Variants in RAD52 observed in about 807,000 individuals in gnomAD.
The protein encoded by RAD52 is DNA repair protein RAD52 homolog.
In RAD52, 47 loss-of-function variants were observed where a neutral mutation model predicts 55.5. That is an observed-to-expected ratio of 0.85 (90% confidence interval 0.67 to 1.08). The LOEUF (loss-of-function observed/expected upper bound fraction) is 1.08. Among genes scored for constraint, RAD52 ranks in the 50% least tolerant of loss-of-function variants. RAD52 has a pLI of 0.00. For synonymous variants in RAD52, 184 were observed against 198.9 expected (o/e 0.92, Z 0.63); for missense variants, 468 against 522.8 (o/e 0.90, Z 1.02).
chr12:947,903 CAAAA>C (rs1240013021), intron 1 of RAD52, among the ~76,000 whole-genome samples: 1 of 109,056 alleles, frequency 9.2e-6, no homozygotes, highest in Non-Finnish European at 2.0e-5. Context: ...AAAAAAAAAA[CAAAA>C]AAAAAACTGC....
intron 9 of RAD52, among the ~76,000 whole-genome samples, chr12:915,832 A>G (rs1286572295): frequency 6.6e-6 from 1 of 152,064 alleles, no homozygotes; most frequent in Non-Finnish European, 1.5e-5. Context: ...ATTCTGCCTC[A>G]GCCTCCCGAG....
chr12:974,580 T>C (rs1958912001), intron 1 of RAD52: 1 of 152,226 alleles, frequency 6.6e-6, no homozygotes, highest in South Asian at 2.1e-4. Context: ...GTGCCTGCTC[T>C]GTGAGAGAAA....
intron 1 of RAD52, among the ~76,000 whole-genome samples, chr12:943,937 T>C (rs1359883415): frequency 1.3e-5 from 2 of 152,104 alleles, no homozygotes; most frequent in Admixed American, 6.6e-5. Context: ...CGGGGCCCGC[T>C]GGGTGCAGTT....
chr12:989,140 G>C (rs1227016082), intron 1 of RAD52, among the ~76,000 whole-genome samples: 1 of 152,152 alleles, frequency 6.6e-6, no homozygotes, highest in African/African-American at 2.4e-5. Flanking sequence ...GGAGGGTTCT[G>C]CTCTTCCTTA....
upstream of RAD52, among the ~76,000 whole-genome samples, chr12:953,499 G>A (rs1207064502): frequency 6.6e-6 from 1 of 152,096 alleles, no homozygotes; most frequent in Non-Finnish European, 1.5e-5. Context: ...TAAAGTGTAT[G>A]TCTACGACCC....
At position 913,147 on chromosome 12, in the gene RAD52, G is replaced by A. The variant is rs1956186955; in HGVS notation, c.*244C>T. On this transcript the variant is annotated 3_prime_UTR_variant, in exon 12 of 12. Coordinates refer to ENST00000358495, the MANE Select transcript of RAD52 (RefSeq NM_134424.4). Reference sequence around the variant, plus strand: ...TAATAAATAGTGGGAAGCCTCACAAGCCGAAGAAAAGGTATTCATCTGTCC... The same window carrying A: ...TAATAAATAGTGGGAAGCCTCACAAACCGAAGAAAAGGTATTCATCTGTCC... The A allele has an allele frequency of 1.4e-5, 6 of 421,552 alleles. No individual in the cohort carries two copies. In the South Asian group the frequency reaches 2.9e-4, roughly 20 times the overall value. 26.1% of individuals were successfully genotyped at this position (421,552 alleles called of 1,614,324 possible).
At chr12:987,826 T>C (rs1351068445) in intron 1 of RAD52, among the ~76,000 whole-genome samples, 1 of 152,200 alleles carries the variant, frequency 6.6e-6, no homozygotes, top group Non-Finnish European at 1.5e-5. Flanking sequence ...CCTCCTAAAG[T>C]GTTGGGATTA....
intron 1 of RAD52, among the ~76,000 whole-genome samples, chr12:946,936 CT>C (rs1958259640): frequency 6.6e-6 from 1 of 152,206 alleles, no homozygotes; most frequent in African/African-American, 2.4e-5. Context: ...CTGACGGTTT[CT>C]GCCTCCCTGA....
At chr12:963,870 C>A (rs6489770) in intron 1 of RAD52, among the ~76,000 whole-genome samples, 2 of 151,632 alleles carry the variant, frequency 1.3e-5, no homozygotes, top group Non-Finnish European at 2.9e-5. Context: ...ACTAGAGTGA[C>A]GAGGGCAGCG....
At chr12:921,311 T>C (rs1956714984) in intron 7 of RAD52, among the ~76,000 whole-genome samples, 1 of 151,958 alleles carries the variant, frequency 6.6e-6, no homozygotes, top group African/African-American at 2.4e-5. Context: ...AAAAGCTCAA[T>C]AAAAGTAGGA....
At chr12:953,211 A>G (rs1958559773), upstream of RAD52, among the ~76,000 whole-genome samples, 1 of 151,414 alleles carries the variant, frequency 6.6e-6, no homozygotes, top group Admixed American at 6.6e-5. Context: ...AGGCTGAGGC[A>G]AGAGAATTGT....
Position 948,577 on chromosome 12 carries a change from G to A in RAD52, c.-19+1025C>T, listed in dbSNP as rs911893080. Among the ~76,000 whole-genome samples the A allele has an allele frequency of 5.4e-4, 82 of 152,272 alleles. 1 individual carries two copies. Among genetic ancestry groups the A allele is most frequent in the Middle Eastern group, 6.8e-3 (2 of 294 alleles). ...GAGAGGCTGAAGCAAAGAATCGCTT[G>A]AACCCAGGAGGCGGACGTTGCAGTG... On this transcript the variant is annotated intron_variant, in intron 1 of 11. Coordinates refer to ENST00000358495, the MANE Select transcript of RAD52 (RefSeq NM_134424.4).
At chr12:923,931 C>G (rs1956877563) in intron 7 of RAD52, among the ~76,000 whole-genome samples, 3 of 151,318 alleles carry the variant, frequency 2.0e-5, no homozygotes, top group African/African-American at 7.3e-5. Flanking sequence ...TGGTGGCTGG[C>G]ACCTGTAGTC....
intron 1 of RAD52, among the ~76,000 whole-genome samples, chr12:937,088 T>C (rs1957676067): frequency 6.6e-6 from 1 of 152,118 alleles, no homozygotes; most frequent in Non-Finnish European, 1.5e-5. Flanking sequence ...AAGCAAACCT[T>C]TTTCCAGTGA....
At chr12:954,834 C>T (rs556243308) in intron 1 of RAD52, among the ~76,000 whole-genome samples, 1 of 152,226 alleles carries the variant, frequency 6.6e-6, no homozygotes, top group African/African-American at 2.4e-5. Flanking sequence ...TGATACATGG[C>T]ATTGGTTAGG....
upstream of RAD52, among the ~76,000 whole-genome samples, chr12:954,397 C>T (rs1326929783): frequency 6.6e-6 from 1 of 152,060 alleles, no homozygotes; most frequent in Non-Finnish European, 1.5e-5. Context: ...TTTGGGAGGC[C>T]GAGGTGGGTG....
intron 1 of RAD52, among the ~76,000 whole-genome samples, chr12:936,026 G>A (rs748549602): frequency 3.3e-5 from 5 of 151,888 alleles, no homozygotes; most frequent in Admixed American, 6.6e-5. Flanking sequence ...ACTTGTGGCC[G>A]GGCACGGTGG....
chr12:982,571 A>C (rs1455474004), intron 1 of RAD52, among the ~76,000 whole-genome samples: 1 of 150,836 alleles, frequency 6.6e-6, no homozygotes, highest in African/African-American at 2.4e-5. Context: ...CTTTCCGATA[A>C]TATGTTCCTA....
intron 1 of RAD52, among the ~76,000 whole-genome samples, chr12:967,302 C>T (rs1958783546): frequency 6.6e-6 from 1 of 151,148 alleles, no homozygotes; most frequent in African/African-American, 2.4e-5. Flanking sequence ...TCGCTTGAGC[C>T]CAGGAGACGG....
Sources: allele counts gnomAD v4.1 joint callset (sites outside exome capture counted in the v4.1 genomes callset), GRCh38; gene constraint gnomAD v4.1.1; transcripts MANE v1.5; gene names NCBI Gene and HGNC (gene_info 2026-07-23, HGNC 2026-07-21).